Variants in EFNA5 observed in about 807,000 individuals in gnomAD.
The protein encoded by EFNA5 is ephrin A5.
EFNA5 carries 5 observed loss-of-function variants against 22.9 expected under a neutral mutation model. The observed-to-expected ratio is 0.22, with a 90% CI of 0.11 to 0.46. The LOEUF (loss-of-function observed/expected upper bound fraction) is 0.46, where lower values mean the gene tolerates loss of function less well. EFNA5 is among the 20% of genes least tolerant of loss of function. EFNA5 has a pLI of 0.99. For synonymous variants in EFNA5, 113 were observed against 112.2 expected, an observed-to-expected ratio of 1.01 and a Z score of -0.04; for missense variants, 237 against 293.3, an observed-to-expected ratio of 0.81 and a Z score of 1.40.
At chr5:107,558,936 T>C (rs1748477092) in intron 1 of EFNA5, among the ~76,000 whole-genome samples, 1 of 152,216 alleles carries the variant, frequency 6.6e-6, no homozygotes. Context: ...TTTTGTTGTG[T>C]TTTTCTTTTC....
chr5:107,533,448 A>G (rs1747865548), intron 1 of EFNA5, among the ~76,000 whole-genome samples: 1 of 152,232 alleles, frequency 6.6e-6, no homozygotes, highest in South Asian at 2.1e-4. Flanking sequence ...GCCCAGAAGA[A>G]TAACTATAAT....
intron 2 of EFNA5, among the ~76,000 whole-genome samples, chr5:107,414,943 G>A (rs1327336068): frequency 6.6e-6 from 1 of 152,058 alleles, no homozygotes; most frequent in African/African-American, 2.4e-5. Flanking sequence ...TTCTGCATAA[G>A]TACCAGTACT....
chr5:107,507,786 G>C (rs1747281799), intron 1 of EFNA5, among the ~76,000 whole-genome samples: 1 of 152,152 alleles, frequency 6.6e-6, no homozygotes, highest in Admixed American at 6.5e-5. Context: ...TGGATATGCT[G>C]AATTAAATAT....
intron 1 of EFNA5, among the ~76,000 whole-genome samples, chr5:107,438,825 T>C (rs1402368791): frequency 6.6e-6 from 1 of 152,124 alleles, no homozygotes; most frequent in African/African-American, 2.4e-5. Context: ...CAGGCCACTG[T>C]TGGAAGGTGG....
At chr5:107,574,972 C>A (rs892793759) in intron 1 of EFNA5, among the ~76,000 whole-genome samples, 2 of 152,204 alleles carry the variant, frequency 1.3e-5, no homozygotes, top group African/African-American at 4.8e-5. Flanking sequence ...TGCTGAAGGA[C>A]ACCCCTGTCT....
intron 1 of EFNA5, among the ~76,000 whole-genome samples, chr5:107,467,613 C>T (rs1030713080): frequency 1.3e-5 from 2 of 152,158 alleles, no homozygotes; most frequent in Admixed American, 6.5e-5. Flanking sequence ...GAAGGTGGCA[C>T]GTGGATAACC....
At chr5:107,567,522 T>C (rs899501137) in intron 1 of EFNA5, among the ~76,000 whole-genome samples, 1 of 152,132 alleles carries the variant, frequency 6.6e-6, no homozygotes. Flanking sequence ...GAGAATACCA[T>C]GACAGACAAA....
At chr5:107,416,435 G>T (rs2112408383) in intron 2 of EFNA5, among the ~76,000 whole-genome samples, 1 of 152,190 alleles carries the variant, frequency 6.6e-6, no homozygotes, top group Non-Finnish European at 1.5e-5. Flanking sequence ...CATGATCTCA[G>T]GCAAGTCACT....
At chr5:107,539,379 A>AAAG (rs1747996429) in intron 1 of EFNA5, among the ~76,000 whole-genome samples, 1 of 152,220 alleles carries the variant, frequency 6.6e-6, no homozygotes, top group African/African-American at 2.4e-5. Context: ...AATAGTGCTT[A>AAAG]ATCCATGACC....
At chr5:107,424,666 G>C (rs141914513) in intron 2 of EFNA5, among the ~76,000 whole-genome samples, 2 of 152,292 alleles carry the variant, frequency 1.3e-5, no homozygotes, top group East Asian at 3.9e-4. Context: ...TTGTAACGTA[G>C]TAAGTGTGAA....
intron 1 of EFNA5, among the ~76,000 whole-genome samples, chr5:107,511,047 G>A (rs958301324): frequency 8.4e-4 from 84 of 100,012 alleles, no homozygotes; most frequent in African/African-American, 3.5e-3. Flanking sequence ...TGTGTGAGAC[G>A]GAGAGTTTTG....
chr5:107,459,992 T>G (rs1580465926), intron 1 of EFNA5, among the ~76,000 whole-genome samples: 3 of 152,286 alleles, frequency 2.0e-5, no homozygotes, highest in Middle Eastern at 6.8e-3. Flanking sequence ...AGGAACTGTT[T>G]AACCACTGCA....
intron 1 of EFNA5, among the ~76,000 whole-genome samples, chr5:107,586,264 A>G (rs1749184297): frequency 6.6e-6 from 1 of 152,214 alleles, no homozygotes; most frequent in African/African-American, 2.4e-5. Flanking sequence ...GTTTTTAAAG[A>G]TACCGCATAT....
chr5:107,607,402 G>C (rs774044885), intron 1 of EFNA5, among the ~76,000 whole-genome samples: 7 of 152,182 alleles, frequency 4.6e-5, no homozygotes, highest in Non-Finnish European at 1.0e-4. Context: ...TTGCAGTAGA[G>C]TTTGAGCCCA....
At chr5:107,435,845 C>T (rs1042268661) in intron 1 of EFNA5, among the ~76,000 whole-genome samples, 10 of 152,132 alleles carry the variant, frequency 6.6e-5, no homozygotes, top group East Asian at 1.9e-4. Flanking sequence ...AGTTCTTGCA[C>T]GTGCATGTTT....
At chr5:107,465,625 T>C (rs1000346511) in intron 1 of EFNA5, among the ~76,000 whole-genome samples, 46 of 152,238 alleles carry the variant, frequency 3.0e-4, no homozygotes, top group African/African-American at 1.1e-3. Context: ...TAAATAACTA[T>C]CAGAGGTTTT....
At chr5:107,436,373 G>A (rs552078955) in intron 1 of EFNA5, among the ~76,000 whole-genome samples, 37 of 152,294 alleles carry the variant, frequency 2.4e-4, no homozygotes, top group African/African-American at 8.7e-4. Context: ...AGAGGCCTCG[G>A]GCATGGAGTA....
intron 1 of EFNA5, among the ~76,000 whole-genome samples, chr5:107,592,940 A>G (rs1167945422): frequency 6.6e-6 from 1 of 152,204 alleles, no homozygotes; most frequent in African/African-American, 2.4e-5. Context: ...ATTTTTCTAA[A>G]TAGCCATGAG....
chr5:107,419,135 C>T (rs1412862159), intron 2 of EFNA5, among the ~76,000 whole-genome samples: 1 of 152,206 alleles, frequency 6.6e-6, no homozygotes, highest in Non-Finnish European at 1.5e-5. Context: ...CGTATGCATG[C>T]TCAGAAGGTT....
Sources: gnomAD v4.1 joint callset for allele counts (sites outside exome capture counted in the v4.1 genomes callset) on GRCh38, gnomAD v4.1.1 for gene constraint, MANE v1.5 for transcripts, NCBI Gene and HGNC (gene_info 2026-07-23, HGNC 2026-07-21) for gene names.